TRPM3: variants seen among roughly 807,000 people sequenced by gnomAD.
TRPM3 encodes transient receptor potential cation channel subfamily M member 3, also known as long transient receptor potential channel 3.
A neutral mutation model predicts 181.2 loss-of-function variants in TRPM3; 77 were observed. The observed-to-expected ratio is 0.42, with a 90% CI of 0.35 to 0.51. The LOEUF (loss-of-function observed/expected upper bound fraction) is 0.51, where lower values mean the gene tolerates loss of function less well. Among genes scored for constraint, TRPM3 ranks in the 20% least tolerant of loss-of-function variants. TRPM3 has a pLI of 0.01. For synonymous variants in TRPM3, 745 were observed against 796.4 expected (o/e 0.94, Z 1.09); for missense variants, 1,759 against 2,196.7 (o/e 0.80, Z 3.98).
At chr9:70,751,934 G>A (rs1286966619) in intron 8 of TRPM3, among the ~76,000 whole-genome samples, 1 of 151,732 alleles carries the variant, frequency 6.6e-6, no homozygotes, top group Non-Finnish European at 1.5e-5. Flanking sequence ...TTAAGGAGGA[G>A]TCTTCTGTTG....
At chr9:71,068,952 G>C (rs1036169682) in intron 1 of TRPM3, among the ~76,000 whole-genome samples, 2 of 152,164 alleles carry the variant, frequency 1.3e-5, no homozygotes, top group East Asian at 3.9e-4. Context: ...GATCATGGAA[G>C]CACTATAGAA....
intron 7 of TRPM3, among the ~76,000 whole-genome samples, chr9:70,772,098 A>G (rs140391921): frequency 0.034 from 5,210 of 152,290 alleles, 126 homozygotes; most frequent in Non-Finnish European, 0.05. Context: ...TTTGAGATCT[A>G]TCAGACATTC....
chr9:70,760,692 GCTAT>G (rs1296771000), intron 8 of TRPM3: 1 of 137,508 alleles, frequency 7.3e-6, no homozygotes, highest in Non-Finnish European at 1.6e-5. Flanking sequence ...TAAACATTTT[GCTAT>G]CTCTCTCAGC....
At chr9:70,669,627 T>C (rs1026778849) in intron 9 of TRPM3, among the ~76,000 whole-genome samples, 1 of 152,156 alleles carries the variant, frequency 6.6e-6, no homozygotes, top group Non-Finnish European at 1.5e-5. Context: ...TAGATGAACC[T>C]TGAGGGCAGG....
chr9:71,018,447 A>G (rs961883504), intron 1 of TRPM3, among the ~76,000 whole-genome samples: 1 of 151,824 alleles, frequency 6.6e-6, no homozygotes, highest in African/African-American at 2.4e-5. Context: ...GAAAAACAGA[A>G]AAGTTGCAAA....
At chr9:70,879,315 A>T (rs1427678916) in intron 1 of TRPM3, among the ~76,000 whole-genome samples, 1 of 152,136 alleles carries the variant, frequency 6.6e-6, no homozygotes, top group Non-Finnish European at 1.5e-5. Flanking sequence ...TTAAATGATT[A>T]CTGTTGCATT....
chr9:71,321,873 C>T (rs770736820), intron 1 of TRPM3, among the ~76,000 whole-genome samples: 1 of 152,008 alleles, frequency 6.6e-6, no homozygotes, highest in Non-Finnish European at 1.5e-5. Context: ...CCCTCAAAGT[C>T]CCCACAATGT....
At chr9:71,393,229 C>A (rs2093106428) in intron 1 of TRPM3, among the ~76,000 whole-genome samples, 1 of 152,072 alleles carries the variant, frequency 6.6e-6, no homozygotes, top group South Asian at 2.1e-4. Context: ...AATAAAACAG[C>A]CAAGGGAATG....
chr9:71,328,504 A>G (rs201511414), intron 1 of TRPM3, among the ~76,000 whole-genome samples: 1 of 152,034 alleles, frequency 6.6e-6, no homozygotes, highest in Non-Finnish European at 1.5e-5. Flanking sequence ...TGGAAGCTCA[A>G]CCTGTCCAGA....
At chr9:71,038,323 G>A (rs1741030819) in intron 1 of TRPM3, among the ~76,000 whole-genome samples, 1 of 152,160 alleles carries the variant, frequency 6.6e-6, no homozygotes, top group African/African-American at 2.4e-5. Context: ...TAGAAGTCCA[G>A]ACAGGAAAAA....
At chr9:71,101,963 C>T (rs766705172) in intron 1 of TRPM3, among the ~76,000 whole-genome samples, 54 of 152,294 alleles carry the variant, frequency 3.5e-4, no homozygotes, top group African/African-American at 1.2e-3. Context: ...ACTATTCCAG[C>T]TTTCCTTTTA....
chr9:71,174,937 A>G (rs568695429), intron 1 of TRPM3, among the ~76,000 whole-genome samples: 6 of 152,162 alleles, frequency 3.9e-5, no homozygotes, highest in Non-Finnish European at 8.8e-5. Flanking sequence ...TAAAAGTAGA[A>G]GAGGAGGAGC....
chr9:70,934,487 A>T (rs1321154052), intron 1 of TRPM3, among the ~76,000 whole-genome samples: 2 of 152,238 alleles, frequency 1.3e-5, no homozygotes, highest in African/African-American at 4.8e-5. Flanking sequence ...TGTAAGAGTT[A>T]TAGGGAAAAA....
At chr9:71,112,950 C>G (rs892953653) in intron 1 of TRPM3, among the ~76,000 whole-genome samples, 1 of 152,076 alleles carries the variant, frequency 6.6e-6, no homozygotes, top group Non-Finnish European at 1.5e-5. Flanking sequence ...GCAAAAAACT[C>G]AGCTACACGG....
Position 70,598,546 on chromosome 9 carries a change from T to A in TRPM3, c.2921A>T (p.Asp974Val). Residue 974 changes from aspartate to valine, a missense_variant, in exon 21 of 26, where the codon GAC (aspartate) becomes GTC (valine). Physicochemically the swap from Asp to Val is radical, Grantham distance 152 (BLOSUM62 -3). Transcript: ENST00000677713. ...FSVGMILRLQ[D>V]QPFRSDGRVI... ...CCTCCCGTCACTCCTGAAGGGCTGG[T>A]CTTGGAGACGAAGGATCATTCCGAC... 1 of 1,614,190 alleles carries A rather than the reference T, an allele frequency of 6.2e-7. No individual in the cohort carries two copies.
chr9:71,440,153 T>A (rs1055651044), intron 1 of TRPM3, among the ~76,000 whole-genome samples: 7 of 152,064 alleles, frequency 4.6e-5, no homozygotes, highest in Non-Finnish European at 8.8e-5. Context: ...AATACTTTTC[T>A]TTATTAACAA....
At chr9:71,136,436 G>A (rs891399577) in intron 1 of TRPM3, among the ~76,000 whole-genome samples, 2 of 152,242 alleles carry the variant, frequency 1.3e-5, no homozygotes, top group East Asian at 1.9e-4. Flanking sequence ...AGGCTCATCC[G>A]CCTGAGAAGG....
chr9:71,399,004 T>G (rs2131367084), intron 1 of TRPM3, among the ~76,000 whole-genome samples: 1 of 152,234 alleles, frequency 6.6e-6, no homozygotes, highest in East Asian at 1.9e-4. Flanking sequence ...TGCCCATAAT[T>G]TAGCCTTAAA....
chr9:70,981,621 A>G (rs1384307386), intron 1 of TRPM3, among the ~76,000 whole-genome samples: 1 of 152,156 alleles, frequency 6.6e-6, no homozygotes, highest in Non-Finnish European at 1.5e-5. Context: ...CTTGACTGCA[A>G]TATGATGATA....
Sources: allele counts gnomAD v4.1 joint callset (sites outside exome capture counted in the v4.1 genomes callset), GRCh38; gene constraint gnomAD v4.1.1; transcripts MANE v1.5; gene names NCBI Gene and HGNC (gene_info 2026-07-23, HGNC 2026-07-21).